GMEB1: variants seen among roughly 807,000 people sequenced by gnomAD.
The protein encoded by GMEB1 is glucocorticoid modulatory element-binding protein 1.
Under a neutral mutation model 52.4 loss-of-function variants are expected in GMEB1, and 6 were observed. The observed-to-expected ratio is 0.11, with a 90% CI of 0.06 to 0.23. The LOEUF is 0.23. GMEB1 is among the 10% of genes least tolerant of loss of function. The pLI is 1.00. For missense variants in GMEB1, 486 were observed against 685.6 expected (o/e 0.71, Z 3.25); for synonymous variants, 255 against 244.9 (o/e 1.04, Z -0.38).
At position 28,681,043 on chromosome 1, in the gene GMEB1, T is replaced by TA. The variant is rs577424403; in HGVS notation, c.-30-2533dup. 5.3e-5 allele frequency among the ~76,000 whole-genome samples: 8 copies of TA among 151,862 alleles called. No homozygotes were observed. In the East Asian group the frequency reaches 7.7e-4, roughly 15 times the overall value. ...TGGGCAACAAGAACGAAACTCTGTCTAAAAAAACAAAACAAAACAAAACAC... is the reference window on the plus strand; with the variant it reads ...TGGGCAACAAGAACGAAACTCTGTCTAAAAAAAACAAAACAAAACAAAACAC... On this transcript the variant is annotated intron_variant, in intron 1 of 9. Transcript: ENST00000373816.
chr1:28,687,387 C>A (rs10522498), intron 2 of GMEB1, among the ~76,000 whole-genome samples: 35,680 of 40,696 alleles, frequency 0.88, 16,020 homozygotes, highest in Middle Eastern at 0.94. Flanking sequence ...CACACACACA[C>A]AAAAAAAGAC....
At chr1:28,698,582 G>A (rs537729070) in intron 6 of GMEB1, among the ~76,000 whole-genome samples, 3 of 151,890 alleles carry the variant, frequency 2.0e-5, no homozygotes, top group Non-Finnish European at 4.4e-5. Context: ...GGCTGAAGCA[G>A]GAGAATGGTG....
intron 2 of GMEB1, among the ~76,000 whole-genome samples, chr1:28,686,213 CACCTGT>C: frequency 6.6e-6 from 1 of 151,370 alleles, no homozygotes; most frequent in Non-Finnish European, 1.5e-5. Context: ...TGGTGGCTCA[CACCTGT>C]AGTTCCAGCT....
intron 6 of GMEB1, among the ~76,000 whole-genome samples, chr1:28,697,649 GT>G (rs1483124309): frequency 6.6e-6 from 1 of 152,148 alleles, no homozygotes; most frequent in Non-Finnish European, 1.5e-5. Flanking sequence ...CTCCTCCTTT[GT>G]TTTTTCCTTA....
chr1:28,685,365 G>A (rs1669591850), intron 2 of GMEB1, among the ~76,000 whole-genome samples: 1 of 151,844 alleles, frequency 6.6e-6, no homozygotes. Flanking sequence ...TCTTGCCACC[G>A]TGCCTGGCCA....
intron 6 of GMEB1, 78 bp downstream of exon 6, chr1:28,697,162 C>CATATATATATATATATAT (rs71586855): frequency 2.3e-4 from 34 of 149,086 alleles, no homozygotes; most frequent in East Asian, 9.9e-4. Flanking sequence ...CTTGTGTGTA[C>CATATATATATATATATAT]ATATATATAT....
At position 28,693,464 on chromosome 1, in the gene GMEB1, A is replaced by G. The variant is rs369536841; in HGVS notation, c.440+419A>G. On this transcript the variant is annotated intron_variant, in intron 5 of 9. Coordinates refer to ENST00000373816, the MANE Select transcript of GMEB1 (RefSeq NM_001319674.2). ...AAACTCGTGACCTCATGATCCACCC[A>G]TCTCGGCCTCTCAAAATGCTGGGTT... Among the ~76,000 whole-genome samples, 1,186 of 151,984 alleles carry G rather than the reference A, an allele frequency of 7.8e-3. 11 individuals are homozygous for G. Among genetic ancestry groups the G allele is most frequent in the African/African-American group, 0.025 (1,043 of 41,464 alleles).
Position 28,716,812 on chromosome 1 carries a change from G to A in GMEB1, c.*2039G>A, listed in dbSNP as rs751526679. The stretch of plus-strand genomic sequence containing the variant: ...TATATTTAGAGCTGGGCCATTTTCC[G>A]TGCTGCGATTTCTTCTCTTTGACCC... On this transcript the variant is annotated 3_prime_UTR_variant, in exon 10 of 10. Transcript: ENST00000373816. 4 of 151,616 alleles carry A rather than the reference G, an allele frequency of 2.6e-5. No homozygotes were observed. The East Asian group carries it at 5.8e-4, about 22-fold the overall frequency. 9.4% of individuals were successfully genotyped at this position (151,616 alleles called of 1,614,324 possible).
intron 6 of GMEB1, among the ~76,000 whole-genome samples, chr1:28,698,498 A>T (rs1670335953): frequency 1.3e-5 from 2 of 150,988 alleles, no homozygotes; most frequent in South Asian, 2.1e-4. Flanking sequence ...ACACGGTGGA[A>T]CCCTGTCTCT....
intron 1 of GMEB1, among the ~76,000 whole-genome samples, chr1:28,678,543 T>C (rs766463857): frequency 1.3e-5 from 2 of 152,158 alleles, no homozygotes; most frequent in Non-Finnish European, 2.9e-5. Context: ...TCTCCTGAGC[T>C]CATGATCCGC....
chr1:28,704,126 A>G (rs772704525), intron 7 of GMEB1, 66 bp from the exon 8 acceptor site: 9 of 1,316,764 alleles, frequency 6.8e-6, no homozygotes, highest in Non-Finnish European at 9.4e-6. Flanking sequence ...TTAACGTTGT[A>G]GAGATTTGCC....
rs1349762973 is a variant in GMEB1 at position 28,716,231 on chromosome 1, CTG to C, written c.*1461_*1462del. 1.3e-5 allele frequency: 2 copies of C among 152,358 alleles called. No individual in the cohort carries two copies. Among genetic ancestry groups the C allele is most frequent in the Admixed American group, 6.5e-5 (1 of 15,306 alleles). The allele number at this position is 152,358 out of a possible 1,614,324, so 9.4% of individuals were successfully genotyped here. On this transcript the variant is annotated 3_prime_UTR_variant, in exon 10 of 10. Coordinates refer to ENST00000373816, the MANE Select transcript of GMEB1 (RefSeq NM_001319674.2). ...CTAGGACCAGTCCATTCATTTGAAA[CTG>C]TGCAATGTGATGTAAATGGCTCTGG...
chr1:28,710,092 A>G (rs1281282864), intron 8 of GMEB1, among the ~76,000 whole-genome samples: 2 of 152,100 alleles, frequency 1.3e-5, no homozygotes, highest in Non-Finnish European at 2.9e-5. Context: ...GGTTGCAATG[A>G]GCTGAGATCA....
In GMEB1 at chr1:28,669,700, C is replaced by T. The variant is rs532119709; in HGVS notation, c.-31+861C>T. Among the ~76,000 whole-genome samples the T allele has an allele frequency of 5.9e-5, 9 of 152,162 alleles. No homozygotes were observed. The South Asian group carries it at 1.9e-3, about 32-fold the overall frequency. ...GAGGGGATGGAAGGTGTCTAGGTGC[C>T]TCTTGATGTCTAGGTGGAGAACAAA... On this transcript the variant is annotated intron_variant, in intron 1 of 9. Transcript: ENST00000373816.
At chr1:28,682,133 ACT>A (rs565143301) in intron 1 of GMEB1, among the ~76,000 whole-genome samples, 35 of 151,842 alleles carry the variant, frequency 2.3e-4, no homozygotes, top group Non-Finnish European at 4.7e-4. Flanking sequence ...CTCTTAAGTG[ACT>A]CTCTCTTTTC....
At chr1:28,695,838 C>G (rs1304406063) in intron 5 of GMEB1, among the ~76,000 whole-genome samples, 1 of 132,478 alleles carries the variant, frequency 7.5e-6, no homozygotes, top group African/African-American at 2.8e-5. Context: ...ACTTGGGAGG[C>G]TGAGGCAGGA....
intron 2 of GMEB1, among the ~76,000 whole-genome samples, chr1:28,684,572 A>G (rs1455018524): frequency 1.3e-5 from 2 of 151,852 alleles, no homozygotes; most frequent in African/African-American, 4.8e-5. Flanking sequence ...CAAAAAAAAA[A>G]AAAAAAAAAT....
intron 9 of GMEB1, among the ~76,000 whole-genome samples, chr1:28,713,704 T>C (rs890720854): frequency 6.6e-6 from 1 of 152,184 alleles, no homozygotes; most frequent in African/African-American, 2.4e-5. Context: ...AATCACTGTT[T>C]TTTGGAGTGG....
intron 8 of GMEB1, among the ~76,000 whole-genome samples, chr1:28,708,130 C>G (rs1318492772): frequency 6.6e-6 from 1 of 152,116 alleles, no homozygotes; most frequent in Non-Finnish European, 1.5e-5. Context: ...AACTCCTGTG[C>G]TCAAGCAATC....
Sources: allele counts gnomAD v4.1 joint callset (sites outside exome capture counted in the v4.1 genomes callset), GRCh38; gene constraint gnomAD v4.1.1; transcripts MANE v1.5; gene names NCBI Gene and HGNC (gene_info 2026-07-23, HGNC 2026-07-21).